Variants in AFG1L observed in about 807,000 individuals in gnomAD.
AFG1L encodes AFG1 like ATPase.
Under a neutral mutation model 62.2 loss-of-function variants are expected in AFG1L, and 53 were observed. That is an observed-to-expected ratio of 0.85 (90% CI 0.68 to 1.07). The LOEUF (loss-of-function observed/expected upper bound fraction) is 1.07, where lower values mean the gene tolerates loss of function less well. AFG1L is among the 50% of genes least tolerant of loss of function. The probability of loss-of-function intolerance (pLI) is 0.00; values close to 1 mark genes in which losing one functional copy is unlikely to be tolerated. For synonymous variants in AFG1L, 228 were observed against 210.3 expected (o/e 1.08, Z -0.73); for missense variants, 555 against 590.5 (o/e 0.94, Z 0.62).
chr6:108,394,780 T>C (rs550622891), intron 6 of AFG1L, among the ~76,000 whole-genome samples: 3 of 152,314 alleles, frequency 2.0e-5, no homozygotes, highest in Admixed American at 6.5e-5. Flanking sequence ...AAAGCTGCAG[T>C]TTTTAGCTTA....
intron 6 of AFG1L, chr6:108,387,490 C>T (rs1233740339): frequency 1.3e-5 from 2 of 152,262 alleles, no homozygotes; most frequent in Non-Finnish European, 2.9e-5. Flanking sequence ...AGAACTAGGC[C>T]TGTGTCCCTT....
intron 7 of AFG1L, among the ~76,000 whole-genome samples, chr6:108,402,292 G>A (rs1323109739): frequency 2.0e-5 from 3 of 151,834 alleles, no homozygotes; most frequent in Non-Finnish European, 2.9e-5. Flanking sequence ...GTGAAACCCC[G>A]TCTCTATTAA....
At chr6:108,514,240 G>A (rs906392063) in intron 11 of AFG1L, among the ~76,000 whole-genome samples, 1 of 152,170 alleles carries the variant, frequency 6.6e-6, no homozygotes, top group Non-Finnish European at 1.5e-5. Flanking sequence ...CTCCTCGCTA[G>A]CAACGGAACA....
chr6:108,454,536 T>C (rs1772178300), intron 8 of AFG1L, among the ~76,000 whole-genome samples: 1 of 152,176 alleles, frequency 6.6e-6, no homozygotes, highest in African/African-American at 2.4e-5. Flanking sequence ...GCTTGCCAGG[T>C]ACAATTACCA....
intron 10 of AFG1L, among the ~76,000 whole-genome samples, chr6:108,494,305 T>A (rs1480177921): frequency 6.6e-6 from 1 of 151,938 alleles, no homozygotes; most frequent in Non-Finnish European, 1.5e-5. Flanking sequence ...GAATTAGACA[T>A]CTCCAGAATT....
chr6:108,411,760 G>T (rs1164329168), intron 7 of AFG1L, among the ~76,000 whole-genome samples: 1 of 152,156 alleles, frequency 6.6e-6, no homozygotes, highest in Non-Finnish European at 1.5e-5. Context: ...TCTGTATGTT[G>T]CCATCATCAA....
chr6:108,385,899 C>T (rs1313594386), intron 6 of AFG1L, among the ~76,000 whole-genome samples: 1 of 151,940 alleles, frequency 6.6e-6, no homozygotes, highest in Non-Finnish European at 1.5e-5. Flanking sequence ...TTGCTTGGGG[C>T]TAGGAGTTTA....
rs551988190 is a variant in AFG1L, at chr6:108,481,581, A to G, written c.1062+4289A>G. ...AAAAATACTATATTTTTCACTGATC[A>G]TATACTCACAGTAAAAATAAATAAA... On this transcript the variant is annotated intron_variant, in intron 10 of 12. Transcript: ENST00000368977. Among the ~76,000 whole-genome samples, 84 of 152,148 alleles carry G rather than the reference A, an allele frequency of 5.5e-4. 1 individual carries two copies. The highest frequency in any genetic ancestry group is 3.3e-4 in the Admixed American group (5 of 15,298).
intron 7 of AFG1L, among the ~76,000 whole-genome samples, chr6:108,410,533 A>G (rs1333468922): frequency 1.3e-5 from 2 of 152,016 alleles, no homozygotes; most frequent in Admixed American, 1.3e-4. Context: ...ATGTACCTCT[A>G]CGCCCACAGA....
At chr6:108,494,174 T>TC (rs1773879572) in intron 10 of AFG1L, among the ~76,000 whole-genome samples, 1 of 151,654 alleles carries the variant, frequency 6.6e-6, no homozygotes, top group Non-Finnish European at 1.5e-5. Context: ...CCATCCCCGC[T>TC]CCCCCTGCTC....
chr6:108,384,792 ATATCT>A (rs199764766), intron 6 of AFG1L, among the ~76,000 whole-genome samples: 3,381 of 152,202 alleles, frequency 0.022, 111 homozygotes, highest in African/African-American at 0.076. Context: ...ATAAAATATA[ATATCT>A]TATATAAAAA....
In AFG1L at chr6:108,523,750, G is replaced by A. The variant is rs971277996; in HGVS notation, c.*1325G>A. 6.6e-6 allele frequency: 1 copy of A among 151,946 alleles called. No individual in the cohort carries two copies. Among genetic ancestry groups the A allele is most frequent in the Admixed American group, 6.6e-5 (1 of 15,236 alleles). 9.4% of individuals were successfully genotyped at this position (151,946 alleles called of 1,614,324 possible). A position where few individuals can be genotyped will look rare whatever the true frequency, so the allele number is the denominator to read the frequency against. On this transcript the variant is annotated 3_prime_UTR_variant, in exon 13 of 13. Transcript: ENST00000368977. ...ATAATCCATCACATAGTCTCTTTTA[G>A]ATATTAACCTAATTAAGGCAAGCAG... is the stretch of plus-strand genomic sequence containing the variant.
At position 108,323,923 on chromosome 6, in the gene AFG1L, G is replaced by T. The variant is rs1359651451; in HGVS notation, c.238G>T (p.Asp80Tyr). The T allele has an allele frequency of 6.2e-7, 1 of 1,614,032 alleles. No homozygotes were observed. Among genetic ancestry groups the T allele is most frequent in the African/African-American group, 1.3e-5 (1 of 74,922 alleles). Residue 80 changes from aspartate (D) to tyrosine (Y), a missense_variant, in exon 2 of 13, where the codon GAT (aspartate) becomes TAT (tyrosine). Physicochemically the swap from Asp to Tyr is radical, Grantham distance 160 (BLOSUM62 -3). Transcript: ENST00000368977. Reference sequence around the variant, plus strand: ...TTGCCATGGACCTCTGGACCACTATGATTTTCTGATCAAAGCTCATGAGCT... The same window carrying T: ...TTGCCATGGACCTCTGGACCACTATTATTTTCTGATCAAAGCTCATGAGCT... ...AVCHGPLDHY[D>Y]FLIKAHELKD...
intron 6 of AFG1L, chr6:108,387,714 A>G (rs1780831810): frequency 6.6e-6 from 1 of 152,184 alleles, no homozygotes; most frequent in African/African-American, 2.4e-5. Context: ...TCTTTCTTGT[A>G]TCAAGGGACA....
At chr6:108,412,718 C>A (rs973247225) in intron 7 of AFG1L, among the ~76,000 whole-genome samples, 1 of 152,062 alleles carries the variant, frequency 6.6e-6, no homozygotes, top group African/African-American at 2.4e-5. Flanking sequence ...CAACTGCTGA[C>A]AGGTTTTGTC....
intron 10 of AFG1L, among the ~76,000 whole-genome samples, chr6:108,487,109 A>G (rs1376221303): frequency 3.3e-5 from 5 of 152,244 alleles, no homozygotes; most frequent in African/African-American, 1.2e-4. Context: ...ACAGTTTAAT[A>G]AAGGAAATAA....
chr6:108,504,694 A>G (rs1774331028), intron 10 of AFG1L, among the ~76,000 whole-genome samples: 1 of 152,242 alleles, frequency 6.6e-6, no homozygotes, highest in Non-Finnish European at 1.5e-5. Context: ...TAAACAAAAC[A>G]AAAGTATCTT....
rs142615343 is a variant in AFG1L at position 108,416,853 on chromosome 6, A to G, written c.807+14799A>G. Among the ~76,000 whole-genome samples, 302 of 152,084 alleles carry G rather than the reference A, an allele frequency of 2.0e-3. 2 individuals are homozygous for G. Among genetic ancestry groups the G allele is most frequent in the African/African-American group, 6.8e-3 (281 of 41,488 alleles). ...ACGAGTTAATGGGTGCAGCACACCA[A>G]CTTGGCACATGTATAGATAGGTAAC... On this transcript the variant is annotated intron_variant, in intron 7 of 12. Transcript: ENST00000368977.
At chr6:108,418,091 C>G (rs1770408156) in intron 7 of AFG1L, among the ~76,000 whole-genome samples, 1 of 152,108 alleles carries the variant, frequency 6.6e-6, no homozygotes, top group African/African-American at 2.4e-5. Flanking sequence ...CTCGGCCTCC[C>G]AAAGACAAAT....
Sources: allele counts gnomAD v4.1 joint callset (sites outside exome capture counted in the v4.1 genomes callset), GRCh38; gene constraint gnomAD v4.1.1; transcripts MANE v1.5; gene names NCBI Gene and HGNC (gene_info 2026-07-23, HGNC 2026-07-21).